DGKE: variants seen among roughly 807,000 people sequenced by gnomAD.
DGKE encodes the protein DAG kinase epsilon.
In DGKE, 53 loss-of-function variants were observed where a neutral mutation model predicts 70.0. The observed-to-expected ratio is 0.76, with a 90% CI of 0.61 to 0.95. DGKE has a LOEUF of 0.95. DGKE is among the 40% of genes least tolerant of loss of function. The pLI, the probability that DGKE is intolerant of heterozygous loss-of-function variation, is 0.00. For synonymous variants in DGKE, 291 were observed against 257.0 expected, an observed-to-expected ratio of 1.13 and a Z score of -1.27; for missense variants, 655 against 706.9, an observed-to-expected ratio of 0.93 and a Z score of 0.83.
chr17:56,857,040 G>A (rs1907994334), intron 8 of DGKE, among the ~76,000 whole-genome samples: 1 of 152,180 alleles, frequency 6.6e-6, no homozygotes. Context: ...AAAAGTTGCA[G>A]TGAGCCGAGA....
At chr17:56,862,548 TAAGG>T in intron 11 of DGKE, 60 bp from the exon 12 acceptor site, 1 of 1,387,436 alleles carries the variant, frequency 7.2e-7, no homozygotes, top group Non-Finnish European at 9.5e-7. Context: ...ATGGTATTAT[TAAGG>T]AAGACCTTTC....
At chr17:56,849,023 A>G (rs927559106) in intron 6 of DGKE, among the ~76,000 whole-genome samples, 158 bp from the exon 7 acceptor site, 6 of 152,236 alleles carry the variant, frequency 3.9e-5, no homozygotes, top group African/African-American at 1.4e-4. Flanking sequence ...AGCCGAAGTA[A>G]TAAGTTACAC....
At chr17:56,849,525 G>A (rs1907522996) in intron 7 of DGKE, among the ~76,000 whole-genome samples, 1 of 152,140 alleles carries the variant, frequency 6.6e-6, no homozygotes, top group Non-Finnish European at 1.5e-5. Flanking sequence ...GTGAGAGAGT[G>A]CAAAGCATGG....
intron 7 of DGKE, among the ~76,000 whole-genome samples, chr17:56,854,928 A>G (rs1018029331): frequency 2.0e-5 from 3 of 152,180 alleles, no homozygotes; most frequent in Non-Finnish European, 2.9e-5. Context: ...ACCTCTATAG[A>G]AGAACATCCA....
At chr17:56,856,045 G>A (rs1025715137) in intron 7 of DGKE, among the ~76,000 whole-genome samples, 1 of 151,702 alleles carries the variant, frequency 6.6e-6, no homozygotes, top group Non-Finnish European at 1.5e-5. Flanking sequence ...AGAGGTCAAG[G>A]GTGTGTTGGA....
intron 9 of DGKE, among the ~76,000 whole-genome samples, chr17:56,859,762 A>T (rs1191298645): frequency 2.0e-5 from 3 of 152,218 alleles, no homozygotes; most frequent in Non-Finnish European, 4.4e-5. Context: ...TTCCAAAAAG[A>T]ATCTGTAATG....
intron 7 of DGKE, 58 bp downstream of exon 7, chr17:56,849,290 A>T (rs558914065): frequency 2.0e-6 from 3 of 1,493,642 alleles, no homozygotes; most frequent in African/African-American, 2.8e-5. Context: ...AAGATACGGC[A>T]CTCTGTGGTG....
At chr17:56,842,476 G>C (rs988807901) in intron 2 of DGKE, among the ~76,000 whole-genome samples, 4 of 152,102 alleles carry the variant, frequency 2.6e-5, no homozygotes, top group Non-Finnish European at 5.9e-5. Flanking sequence ...AGTTATGGTA[G>C]ACCAATAAAT....
chr17:56,853,106 T>C (rs1205022136), intron 7 of DGKE, among the ~76,000 whole-genome samples: 1 of 152,210 alleles, frequency 6.6e-6, no homozygotes, highest in African/African-American at 2.4e-5. Context: ...TTTTGAGAAA[T>C]GTCTCTTCAA....
intron 9 of DGKE, among the ~76,000 whole-genome samples, chr17:56,861,013 C>T (rs73327136): frequency 0.017 from 2,526 of 152,242 alleles, 64 homozygotes; most frequent in African/African-American, 0.058. Context: ...TCGATCCAAC[C>T]GCTCTGTGAG....
rs1222213373 is a variant in DGKE, at chr17:56,862,553, A to G, written c.1525-59A>G. On this transcript the variant is annotated intron_variant, in intron 11 of 11. Coordinates refer to ENST00000284061, the MANE Select transcript of DGKE (RefSeq NM_003647.3). ...GGGATTGTGGATGGTATTATTAAGG[A>G]AGACCTTTCTAAATTTGGGGGGACT... is the stretch of plus-strand genomic sequence containing the variant. 4.3e-6 allele frequency: 6 copies of G among 1,405,450 alleles called. No homozygotes were observed. The East Asian group carries it at 1.3e-4, about 30-fold the overall frequency. 87.1% of individuals were successfully genotyped at this position (1,405,450 alleles called of 1,614,324 possible). A position where few individuals can be genotyped will look rare whatever the true frequency, so the allele number is the denominator to read the frequency against.
At chr17:56,854,903 A>T (rs1206746360) in intron 7 of DGKE, among the ~76,000 whole-genome samples, 1 of 152,242 alleles carries the variant, frequency 6.6e-6, no homozygotes, top group Admixed American at 6.5e-5. Flanking sequence ...TACTACAATC[A>T]AGTAGGGTCT....
At chr17:56,862,341 A>G in intron 11 of DGKE, 90 bp downstream of exon 11, 3 of 1,299,864 alleles carry the variant, frequency 2.3e-6, no homozygotes, top group Non-Finnish European at 3.3e-6. Flanking sequence ...ACTTTTCTTT[A>G]AACAGTGGTT....
intron 9 of DGKE, among the ~76,000 whole-genome samples, chr17:56,861,132 T>G (rs1908265140): frequency 6.6e-6 from 1 of 152,036 alleles, no homozygotes; most frequent in African/African-American, 2.4e-5. Flanking sequence ...CAGTTTTTAG[T>G]GATTAAGGGG....
chr17:56,843,950 A>G, intron 2 of DGKE, 69 bp from the exon 3 acceptor site: 3 of 1,408,546 alleles, frequency 2.1e-6, no homozygotes, highest in Non-Finnish European at 2.8e-6. Context: ...AACAAAAATG[A>G]TTGTTTTGTG....
chr17:56,837,052 A>C, intron 2 of DGKE, among the ~76,000 whole-genome samples: 1 of 152,192 alleles, frequency 6.6e-6, no homozygotes, highest in East Asian at 1.9e-4. Flanking sequence ...TGGTTCTCAA[A>C]GTAAGGTCCC....
At chr17:56,854,192 A>G (rs1907811497) in intron 7 of DGKE, among the ~76,000 whole-genome samples, 2 of 152,226 alleles carry the variant, frequency 1.3e-5, no homozygotes, top group African/African-American at 4.8e-5. Flanking sequence ...AAGGGGAGAC[A>G]TTGGTTAATA....
In DGKE at chr17:56,845,825, A is replaced by G. The variant is rs1423734584; in HGVS notation, c.744+16A>G. 3.2e-6 allele frequency: 5 copies of G among 1,567,626 alleles called. No homozygotes were observed. In the East Asian group the frequency reaches 1.1e-4, roughly 36 times the overall value. On this transcript the variant is annotated intron_variant, in intron 4 of 11. Transcript: ENST00000284061. ...TCCAGTCCAGGTAACTAAAGAAAAA[A>G]ACTTTTTATATTAATGTTTTCATTT...
At chr17:56,844,222 C>A (rs1907156195) in intron 3 of DGKE, 44 bp downstream of exon 3, 1 of 1,309,340 alleles carries the variant, frequency 7.6e-7, no homozygotes, top group Non-Finnish European at 1.0e-6. Flanking sequence ...TTTTAAAAAG[C>A]TGCTTAACTC....
Sources: allele counts gnomAD v4.1 joint callset (sites outside exome capture counted in the v4.1 genomes callset), GRCh38; gene constraint gnomAD v4.1.1; transcripts MANE v1.5; gene names NCBI Gene and HGNC (gene_info 2026-07-23, HGNC 2026-07-21).